Variants in ATPAF2 observed in about 807,000 individuals in gnomAD.
The protein encoded by ATPAF2 is ATP12 homolog.
In ATPAF2, 30 loss-of-function variants were observed where a neutral mutation model predicts 36.6. That is an observed-to-expected ratio of 0.82 (90% CI 0.61 to 1.11). The LOEUF is 1.11. Among genes scored for constraint, ATPAF2 ranks in the 50% most tolerant of loss-of-function variants. ATPAF2 has a pLI of 0.00. For missense variants in ATPAF2, 321 were observed against 372.3 expected (o/e 0.86, Z 1.13); for synonymous variants, 140 against 152.6 (o/e 0.92, Z 0.61).
chr17:18,020,773 G>C (rs746665219), intron 7 of ATPAF2: 1 of 244,284 alleles, frequency 4.1e-6, no homozygotes, highest in African/African-American at 2.3e-5. Flanking sequence ...CCACCTCCCA[G>C]GTTCAAGCAA....
chr17:18,019,147 CCACACACACACACA>C (rs138932269), intron 7 of ATPAF2, among the ~76,000 whole-genome samples: 4 of 135,570 alleles, frequency 3.0e-5, no homozygotes, highest in Non-Finnish European at 3.1e-5. Flanking sequence ...CTCAAAAACA[CCACACACACACACA>C]CACACACACA....
chr17:18,038,814 A>T, intron 1 of ATPAF2, 67 bp downstream of exon 1: 1 of 1,601,170 alleles, frequency 6.2e-7, no homozygotes, highest in Non-Finnish European at 8.5e-7. Context: ...CGCTTTGCAC[A>T]GCCGAAGCCC....
chr17:18,016,752 A>C (rs2044380318), downstream of ATPAF2: 3 of 796,472 alleles, frequency 3.8e-6, no homozygotes, highest in Admixed American at 7.6e-5. Flanking sequence ...CCTCACCCGC[A>C]CCTCTAGAGA....
chr17:18,019,221 ACCTGTG>A (rs964692520), intron 7 of ATPAF2, among the ~76,000 whole-genome samples: 2 of 148,720 alleles, frequency 1.3e-5, no homozygotes, highest in Non-Finnish European at 3.0e-5. Flanking sequence ...CGGAGCAGGC[ACCTGTG>A]CTCTCTGTGG....
At chr17:18,028,462 C>A (rs931618772) in intron 2 of ATPAF2, 85 bp from the exon 3 acceptor site, 2 of 1,572,348 alleles carry the variant, frequency 1.3e-6, no homozygotes, top group Non-Finnish European at 8.7e-7. Flanking sequence ...TGAATTGGTG[C>A]AGACAAAGCC....
intron 6 of ATPAF2, 148 bp downstream of exon 6, chr17:18,021,597 C>T: frequency 1.3e-6 from 1 of 774,530 alleles, no homozygotes; most frequent in Non-Finnish European, 2.3e-6. Context: ...GATTGGCTAG[C>T]ATCAGAGCCA....
chr17:18,034,129 A>G (rs2145519918), intron 1 of ATPAF2, among the ~76,000 whole-genome samples: 1 of 152,202 alleles, frequency 6.6e-6, no homozygotes. Context: ...AAAAACAACA[A>G]CAAATAACCC....
intron 5 of ATPAF2, among the ~76,000 whole-genome samples, chr17:18,022,797 T>G (rs1283268393): frequency 6.6e-6 from 1 of 151,954 alleles, no homozygotes; most frequent in African/African-American, 2.4e-5. Flanking sequence ...GTAATTTTCT[T>G]CCATATATCA....
At chr17:18,032,027 C>T (rs58367842) in intron 1 of ATPAF2, among the ~76,000 whole-genome samples, 2 of 150,702 alleles carry the variant, frequency 1.3e-5, no homozygotes, top group East Asian at 1.9e-4. Context: ...TGAGGTAGAC[C>T]ATGTCCTTTG....
chr17:18,019,441 G>A (rs1180886416), intron 7 of ATPAF2, among the ~76,000 whole-genome samples: 1 of 152,262 alleles, frequency 6.6e-6, no homozygotes, highest in Admixed American at 6.5e-5. Flanking sequence ...TGGGCTACAA[G>A]TGCCCCCCAG....
chr17:18,038,630 G>A (rs1245721348), intron 1 of ATPAF2, among the ~76,000 whole-genome samples: 1 of 152,176 alleles, frequency 6.6e-6, no homozygotes, highest in Non-Finnish European at 1.5e-5. Context: ...TAAAGGGAGG[G>A]CAGCCATAAG....
chr17:18,020,665 GTTA>G (rs1290584006), intron 7 of ATPAF2: 1 of 174,562 alleles, frequency 5.7e-6, no homozygotes, highest in Non-Finnish European at 1.2e-5. Flanking sequence ...TTTTTTTATT[GTTA>G]TTATCTTACC....
At chr17:18,015,353 G>A (rs1597657028), downstream of ATPAF2, 1 of 152,334 alleles carries the variant, frequency 6.6e-6, no homozygotes, top group Non-Finnish European at 1.5e-5. Context: ...TCTGCTTCAA[G>A]GTGGAAGCAA....
chr17:18,036,879 G>A (rs1358024438), intron 1 of ATPAF2, among the ~76,000 whole-genome samples: 1 of 151,578 alleles, frequency 6.6e-6, no homozygotes, highest in Non-Finnish European at 1.5e-5. Context: ...CATGACCAGT[G>A]TGGCCAACAT....
chr17:18,028,782 T>C (rs1478308290), intron 1 of ATPAF2, 123 bp from the exon 2 acceptor site: 1 of 934,616 alleles, frequency 1.1e-6, no homozygotes, highest in Non-Finnish European at 1.7e-6. Flanking sequence ...CATATCCCCA[T>C]TCAAGGTCTG....
intron 5 of ATPAF2, 121 bp downstream of exon 5, chr17:18,024,503 G>A: frequency 1.2e-6 from 1 of 825,236 alleles, no homozygotes; most frequent in South Asian, 1.4e-5. Context: ...TCCCACGAGT[G>A]CTCTGAAATC....
In ATPAF2 at chr17:18,024,616, C is replaced by A; in HGVS notation, c.503+8G>T. The A allele has an allele frequency of 1.9e-6, 3 of 1,612,774 alleles. No individual in the cohort carries two copies. The highest frequency in any genetic ancestry group is 1.7e-6 in the Non-Finnish European group (2 of 1,178,942). On this transcript the variant is annotated splice_region_variant and intron_variant, in intron 5 of 7. Coordinates refer to ENST00000474627, the MANE Select transcript of ATPAF2 (RefSeq NM_145691.4). ...AGTCAGTGCTTTCTGCAGGGCTGTA[C>A]ATCTTACCTTTTCTCAGCCCATTCG...
chr17:18,026,924 A>G (rs781590751), intron 3 of ATPAF2, among the ~76,000 whole-genome samples: 3 of 152,202 alleles, frequency 2.0e-5, no homozygotes, highest in Non-Finnish European at 4.4e-5. Context: ...AATCGGGATC[A>G]AGATTATTTT....
At chr17:18,031,272 G>C (rs1427100677) in intron 1 of ATPAF2, among the ~76,000 whole-genome samples, 1 of 151,808 alleles carries the variant, frequency 6.6e-6, no homozygotes, top group Non-Finnish European at 1.5e-5. Flanking sequence ...ACTGCGCCCA[G>C]CCTACTCCAA....
Sources: gnomAD v4.1 joint callset for allele counts (sites outside exome capture counted in the v4.1 genomes callset) on GRCh38, gnomAD v4.1.1 for gene constraint, MANE v1.5 for transcripts, NCBI Gene and HGNC (gene_info 2026-07-23, HGNC 2026-07-21) for gene names.